MELK: variants seen among roughly 807,000 people sequenced by gnomAD.
The protein encoded by MELK is maternal embryonic leucine zipper kinase.
A neutral mutation model predicts 85.0 loss-of-function variants in MELK; 81 were observed. The ratio of observed to expected loss-of-function variants is 0.95; its 90% CI spans 0.80 to 1.15. The LOEUF is 1.15. MELK is among the 50% of genes most tolerant of loss of function. MELK has a pLI of 0.00. For synonymous variants in MELK, 252 were observed against 265.0 expected, an observed-to-expected ratio of 0.95 and a Z score of 0.48; for missense variants, 754 against 777.5, an observed-to-expected ratio of 0.97 and a Z score of 0.36.
intron 16 of MELK, among the ~76,000 whole-genome samples, 164 bp downstream of exon 16, chr9:36,671,330 C>G (rs1292113740): frequency 6.6e-6 from 1 of 152,044 alleles, no homozygotes; most frequent in Non-Finnish European, 1.5e-5. Context: ...TGTTACTGTG[C>G]AGTCAGTAAA....
chr9:36,634,763 C>T (rs967036389), intron 10 of MELK, among the ~76,000 whole-genome samples: 41 of 151,826 alleles, frequency 2.7e-4, no homozygotes, highest in Non-Finnish European at 1.5e-5. Context: ...ACTTTGGGAT[C>T]CCAGGCGGGT....
At chr9:36,595,604 TG>T (rs551334056) in intron 5 of MELK, among the ~76,000 whole-genome samples, 17 of 94,964 alleles carry the variant, frequency 1.8e-4, no homozygotes, top group South Asian at 6.9e-4. Flanking sequence ...ATAAATGTCT[TG>T]TTTTTTTTTT....
At chr9:36,663,370 G>A (rs566817136) in intron 13 of MELK, among the ~76,000 whole-genome samples, 1 of 152,174 alleles carries the variant, frequency 6.6e-6, no homozygotes, top group South Asian at 2.1e-4. Flanking sequence ...GTGAGCCAGC[G>A]CACCCAGCCT....
intron 7 of MELK, among the ~76,000 whole-genome samples, chr9:36,601,094 T>C (rs1209351432): frequency 6.6e-6 from 1 of 152,184 alleles, no homozygotes; most frequent in Non-Finnish European, 1.5e-5. Context: ...TTTCTATATA[T>C]ATTTTTCCTA....
At chr9:36,665,636 G>A (rs1451760145) in intron 14 of MELK, 55 bp downstream of exon 14, 1 of 1,377,152 alleles carries the variant, frequency 7.3e-7, no homozygotes, top group Non-Finnish European at 1.0e-6. Context: ...ACCATGTTAA[G>A]TAAACATATA....
At chr9:36,574,775 A>G (rs1821474562) in intron 1 of MELK, among the ~76,000 whole-genome samples, 1 of 152,210 alleles carries the variant, frequency 6.6e-6, no homozygotes, top group African/African-American at 2.4e-5. Context: ...ATTTGTTGCT[A>G]TCCTTTAAAA....
intron 8 of MELK, among the ~76,000 whole-genome samples, chr9:36,611,752 CTATTATTATTAT>C (rs761980953): frequency 1.2e-4 from 17 of 145,412 alleles, no homozygotes; most frequent in South Asian, 2.2e-4. Context: ...ATAAATGTAG[CTATTATTATTAT>C]TATTATTATT....
intron 9 of MELK, 82 bp from the exon 10 acceptor site, chr9:36,633,020 C>T (rs1828793788): frequency 2.2e-6 from 2 of 916,124 alleles, no homozygotes; most frequent in Non-Finnish European, 3.5e-6. Flanking sequence ...TGTTCTGATG[C>T]ATTTTTAGTT....
intron 7 of MELK, among the ~76,000 whole-genome samples, chr9:36,606,065 T>A (rs1418367547): frequency 1.3e-5 from 2 of 151,726 alleles, no homozygotes; most frequent in Non-Finnish European, 2.9e-5. Flanking sequence ...CTTGAACAAA[T>A]AGTTACTGCT....
At chr9:36,602,758 C>T (rs1299828329) in intron 7 of MELK, among the ~76,000 whole-genome samples, 1 of 151,950 alleles carries the variant, frequency 6.6e-6, no homozygotes, top group African/African-American at 2.4e-5. Flanking sequence ...AGGATTTCTC[C>T]ATGTTGGTCA....
chr9:36,581,226 G>T (rs1822208297), intron 1 of MELK, among the ~76,000 whole-genome samples: 1 of 151,716 alleles, frequency 6.6e-6, no homozygotes, highest in Non-Finnish European at 1.5e-5. Context: ...TTATAGATGT[G>T]GTCTTGCTAT....
chr9:36,649,856 G>T (rs1304735235), intron 11 of MELK, among the ~76,000 whole-genome samples: 1 of 152,098 alleles, frequency 6.6e-6, no homozygotes, highest in Admixed American at 6.5e-5. Context: ...AGGCCAAGAT[G>T]GGAGGATTGG....
At chr9:36,624,705 G>T (rs923806532) in intron 8 of MELK, among the ~76,000 whole-genome samples, 11 of 152,122 alleles carry the variant, frequency 7.2e-5, no homozygotes, top group Non-Finnish European at 1.5e-4. Context: ...TAGTACTTTG[G>T]TCTGAGTATT....
intron 10 of MELK, among the ~76,000 whole-genome samples, chr9:36,640,648 C>G (rs1829672979): frequency 6.6e-6 from 1 of 152,036 alleles, no homozygotes; most frequent in Admixed American, 6.6e-5. Context: ...TGGAGTCTTG[C>G]TGTATTGCCC....
At position 36,671,231 on chromosome 9, in the gene MELK, T is replaced by G. The variant is rs1448372012; in HGVS notation, c.1674+65T>G. The G allele has an allele frequency of 4.2e-6, 6 of 1,426,660 alleles. No individual in the cohort carries two copies. The East Asian group carries it at 1.5e-4, about 35-fold the overall frequency. The allele number at this position is 1,426,660 out of a possible 1,614,324, so 88.4% of individuals were successfully genotyped here. On this transcript the variant is annotated intron_variant, in intron 16 of 17. Coordinates refer to ENST00000298048, the MANE Select transcript of MELK (RefSeq NM_014791.4). ...ACTGCTAATGGACTGCCTTTTTTTT[T>G]TAAGGTGCTGAATGAATTGATTAGT...
At chr9:36,576,074 A>G (rs1334242097) in intron 1 of MELK, among the ~76,000 whole-genome samples, 1 of 152,150 alleles carries the variant, frequency 6.6e-6, no homozygotes, top group East Asian at 1.9e-4. Context: ...GCCCTTTAAA[A>G]TATTTCTGAA....
intron 8 of MELK, among the ~76,000 whole-genome samples, chr9:36,615,817 C>T (rs1826674948): frequency 6.7e-6 from 1 of 149,836 alleles, no homozygotes; most frequent in East Asian, 2.0e-4. Context: ...AAGAGGCGCT[C>T]CTCACTTCCT....
At chr9:36,602,405 G>A (rs894217408) in intron 7 of MELK, among the ~76,000 whole-genome samples, 2 of 143,286 alleles carry the variant, frequency 1.4e-5, no homozygotes, top group Admixed American at 7.1e-5. Flanking sequence ...CAGGAGAATC[G>A]CTTGAACCTG....
chr9:36,620,113 G>A (rs1165668456), intron 8 of MELK, among the ~76,000 whole-genome samples: 1 of 152,150 alleles, frequency 6.6e-6, no homozygotes, highest in Non-Finnish European at 1.5e-5. Flanking sequence ...GTGAGTAGCA[G>A]AGCTGGGATT....
Sources: gnomAD v4.1 joint callset for allele counts (sites outside exome capture counted in the v4.1 genomes callset) on GRCh38, gnomAD v4.1.1 for gene constraint, MANE v1.5 for transcripts, NCBI Gene and HGNC (gene_info 2026-07-23, HGNC 2026-07-21) for gene names.